Variants in C5 observed in about 807,000 individuals in gnomAD.
The protein encoded by C5 is C3 and PZP-like alpha-2-macroglobulin domain-containing protein 4.
In C5, 140 loss-of-function variants were observed where a neutral mutation model predicts 218.8. That is an observed-to-expected ratio of 0.64 (90% CI 0.56 to 0.74). The LOEUF (loss-of-function observed/expected upper bound fraction) is 0.74, where lower values mean the gene tolerates loss of function less well. Ranked by LOEUF, C5 falls within the 30% of genes least tolerant of loss-of-function variation. C5 has a pLI of 0.00. For missense variants in C5, 1,700 were observed against 1,969.6 expected, an observed-to-expected ratio of 0.86 and a Z score of 2.59; for synonymous variants, 614 against 682.3, an observed-to-expected ratio of 0.90 and a Z score of 1.56.
At chr9:121,031,515 C>T (rs1321172202) in intron 6 of C5, among the ~76,000 whole-genome samples, 1 of 152,074 alleles carries the variant, frequency 6.6e-6, no homozygotes, top group Admixed American at 6.6e-5. Context: ...AGGATCTTTA[C>T]TAGTCAAGCT....
In C5 at chr9:120,974,883, T is replaced by C. The variant is rs2046941625; in HGVS notation, c.3913A>G (p.Lys1305Glu). Residue 1305 changes from lysine (K) to glutamate (E), a missense_variant, in exon 30 of 41, where the codon AAA (lysine) becomes GAA (glutamate). Physicochemically the swap from Lys to Glu is moderately conservative, Grantham distance 56. Transcript: ENST00000223642. Reference sequence around the variant, plus strand: ...ATGTCCATACTCAAGCGGAGTTGTTTAACCAGGAGTGAATATTCCGTCAGG... The same window carrying C: ...ATGTCCATACTCAAGCGGAGTTGTTCAACCAGGAGTGAATATTCCGTCAGG... ...EGLTEYSLLV[K>E]QLRLSMDIDV... 1 of 1,614,086 alleles carries C rather than the reference T, an allele frequency of 6.2e-7. No homozygotes were observed.
intron 40 of C5, among the ~76,000 whole-genome samples, chr9:120,953,293 T>C (rs2046759976): frequency 6.6e-6 from 1 of 152,198 alleles, no homozygotes; most frequent in Non-Finnish European, 1.5e-5. Context: ...AACTCTTCTG[T>C]ACCGGCCTCT....
At chr9:120,959,351 T>C (rs1012592423) in intron 38 of C5, among the ~76,000 whole-genome samples, 4 of 151,848 alleles carry the variant, frequency 2.6e-5, no homozygotes, top group African/African-American at 9.7e-5. Context: ...CTCCTCCTCC[T>C]GGGTTCAAGT....
chr9:120,974,723 G>A (rs983766271), intron 30 of C5, 56 bp downstream of exon 30: 9 of 1,433,434 alleles, frequency 6.3e-6, no homozygotes, highest in Non-Finnish European at 8.9e-6. Flanking sequence ...GAGTGGAACA[G>A]ATGATTTCAA....
At position 120,993,298 on chromosome 9, in the gene C5, A is replaced by C. The variant is rs79354013; in HGVS notation, c.2852-2018T>G. ...AGCTCCTGGATATATGGTCCAGGTA[A>C]ATGCTAACATGGATTTTTCAAGGGA... On this transcript the variant is annotated intron_variant, in intron 22 of 40. Transcript: ENST00000223642. Among the ~76,000 whole-genome samples the C allele has an allele frequency of 5.8e-3, 885 of 152,358 alleles. 7 individuals carry two copies. Among genetic ancestry groups the C allele is most frequent in the Non-Finnish European group, 0.011 (718 of 68,028 alleles).
Position 121,045,327 on chromosome 9 carries a change from A to G in C5, c.258+864T>C, listed in dbSNP as rs558233286. Among the ~76,000 whole-genome samples the G allele has an allele frequency of 6.6e-5, 10 of 152,242 alleles. No individual in the cohort carries two copies. The South Asian group carries it at 2.1e-3, about 32-fold the overall frequency. On this transcript the variant is annotated intron_variant, in intron 2 of 40. Transcript: ENST00000223642. ...CAGCATTGGCTTTTTATTATTTATA[A>G]CATAATCAAAATAATTTTTGATACA...
intron 20 of C5, among the ~76,000 whole-genome samples, chr9:121,004,799 T>G (rs2047202890): frequency 6.6e-6 from 1 of 152,096 alleles, no homozygotes; most frequent in Non-Finnish European, 1.5e-5. Flanking sequence ...TTTGAGCATT[T>G]AAAAAATTGA....
At chr9:121,057,665 A>G in the C5 span, among the ~76,000 whole-genome samples, 905 of 152,246 alleles carry the variant, frequency 5.9e-3, 10 homozygotes, top group African/African-American at 0.02. Context: ...AAAACATACT[A>G]CTAGAGAAAA....
intron 25 of C5, among the ~76,000 whole-genome samples, chr9:120,987,003 A>G (rs570386643): frequency 6.6e-6 from 1 of 152,314 alleles, no homozygotes; most frequent in Non-Finnish European, 1.5e-5. Context: ...TAAAGCCAAA[A>G]GGAAAGGAAG....
In C5 at chr9:121,026,327, C is replaced by T. The variant is rs2047423120; in HGVS notation, c.874-747G>A. 1.3e-5 allele frequency among the ~76,000 whole-genome samples: 2 copies of T among 152,132 alleles called. 1 individual carries two copies. Among genetic ancestry groups the T allele is most frequent in the South Asian group, 4.1e-4 (2 of 4,828 alleles). On this transcript the variant is annotated intron_variant, in intron 8 of 40. Transcript: ENST00000223642. ...GGAACCAGCGCCCTAATCTCAGTTC[C>T]AGCAATCATTAGCCCTAAACTATGG... is the stretch of plus-strand genomic sequence containing the variant.
At chr9:120,985,283 A>G (rs1387475874) in intron 25 of C5, among the ~76,000 whole-genome samples, 1 of 152,216 alleles carries the variant, frequency 6.6e-6, no homozygotes, top group Non-Finnish European at 1.5e-5. Context: ...GGCTACCTCT[A>G]CAAGTGCTTA....
At chr9:120,981,705 C>A (rs1328157520) in intron 27 of C5, 139 bp downstream of exon 27, 1 of 663,542 alleles carries the variant, frequency 1.5e-6, no homozygotes. Flanking sequence ...TCTTTCAATT[C>A]TGGAGTTTAA....
rs748088693 is a variant in C5 at position 121,014,008 on chromosome 9, CATT to C, written c.2119_2121del (p.Asn707del). The C allele has an allele frequency of 4.3e-6, 7 of 1,614,068 alleles. No individual in the cohort carries two copies. The African/African-American group carries it at 8.0e-5, about 18-fold the overall frequency. ...GCAGCTCGCTGCTCACAGGTTTCAT[CATT>C]ATTAACGCAGGCTCCATCGTAACAA... On this transcript the variant is annotated inframe_deletion, in exon 17 of 41. Transcript: ENST00000223642.
At position 121,017,672 on chromosome 9, in the gene C5, T is replaced by C. The variant is rs368001045; in HGVS notation, c.1687A>G (p.Ile563Val). 2.0e-5 allele frequency: 33 copies of C among 1,613,688 alleles called. No homozygotes were observed. The African/African-American group carries it at 3.6e-4, about 18-fold the overall frequency. The change falls in exon 13 of 41, where the codon ATT becomes GTT. Residue 563 changes from isoleucine to valine, a missense_variant. By Grantham distance (29) the Ile-to-Val change is conservative (BLOSUM62 3). Transcript: ENST00000223642. The stretch of plus-strand genomic sequence containing the variant: ...AGCTGGTTGCCACATTTTTCTTCAA[T>C]ATTTAACCAGACTGAATCAGACACT... ...ELVSDSVWLNIEEKCGNQLQV... is the reference protein window; with the variant it reads ...ELVSDSVWLNVEEKCGNQLQV...
intron 20 of C5, among the ~76,000 whole-genome samples, chr9:120,999,211 G>T (rs539338247): frequency 6.6e-6 from 1 of 152,208 alleles, no homozygotes; most frequent in Non-Finnish European, 1.5e-5. Context: ...CTTATATTGG[G>T]CAACCTTTCT....
rs775233229 is a variant in C5 at position 121,050,211 on chromosome 9, G to A, written c.36C>T (p.Phe12=). 2.9e-5 allele frequency: 47 copies of A among 1,613,914 alleles called. No individual in the cohort carries two copies. In the East Asian group the frequency reaches 1.0e-3, roughly 35 times the overall value. Residue 12 remains phenylalanine (F), a synonymous_variant, in exon 1 of 41, where the codon TTC becomes TTT. Transcript: ENST00000223642. ...GCTCCTGTCCCCAGGTTTTCCCCAG[G>A]AAGATTAAAAAACAAAGTATTCCCA... ...GLLGILCFLI[F]LGKTWGQEQT...
chr9:121,028,812 A>C (rs1323406145), intron 7 of C5, among the ~76,000 whole-genome samples: 1 of 152,204 alleles, frequency 6.6e-6, no homozygotes, highest in African/African-American at 2.4e-5. Flanking sequence ...CACGTTGTGT[A>C]CATGTACCCT....
At chr9:121,024,346 A>AGG (rs2047400251) in intron 9 of C5, among the ~76,000 whole-genome samples, 1 of 1,046 alleles carries the variant, frequency 9.6e-4, no homozygotes, top group African/African-American at 5.4e-3. Context: ...GGGGGAGGGG[A>AGG]GGGAGGGGAG....
rs2046750679 is a variant in C5, at chr9:120,952,380, G to A, written c.*359C>T. 3.4e-6 allele frequency: 1 copy of A among 295,410 alleles called. No homozygotes were observed. The highest frequency in any genetic ancestry group is 2.2e-5 in the African/African-American group (1 of 45,540). The allele number at this position is 295,410 out of a possible 1,614,324, so 18.3% of individuals were successfully genotyped here. On this transcript the variant is annotated 3_prime_UTR_variant, in exon 41 of 41. Coordinates refer to ENST00000223642, the MANE Select transcript of C5 (RefSeq NM_001735.3). ...TTAATGATCAGTTTCCTGTTCCTTG[G>A]TATTTTCTTTCAAGCAAAGGCCATG...
Sources: allele counts gnomAD v4.1 joint callset (sites outside exome capture counted in the v4.1 genomes callset), GRCh38; gene constraint gnomAD v4.1.1; transcripts MANE v1.5; gene names NCBI Gene and HGNC (gene_info 2026-07-23, HGNC 2026-07-21).